CABLES1: variants seen among roughly 807,000 people sequenced by gnomAD.
CABLES1 encodes CDK5 and ABL1 enzyme substrate 1.
In CABLES1, 36 loss-of-function variants were observed where a neutral mutation model predicts 57.8. That is an observed-to-expected ratio of 0.62 (90% confidence interval 0.48 to 0.82). The LOEUF (loss-of-function observed/expected upper bound fraction) is 0.82, where lower values mean the gene tolerates loss of function less well. CABLES1 is among the 40% of genes least tolerant of loss of function. The pLI is 0.00. For missense variants in CABLES1, 767 were observed against 836.6 expected (o/e 0.92, Z 1.03); for synonymous variants, 374 against 363.0 (o/e 1.03, Z -0.35).
chr18:23,145,426 G>A (rs1315517285), intron 1 of CABLES1, among the ~76,000 whole-genome samples: 1 of 152,108 alleles, frequency 6.6e-6, no homozygotes, highest in East Asian at 1.9e-4. Flanking sequence ...TCCTCTTTGG[G>A]GGCTGTGCAA....
At chr18:23,193,849 A>G (rs181770332) in intron 2 of CABLES1, among the ~76,000 whole-genome samples, 1 of 152,320 alleles carries the variant, frequency 6.6e-6, no homozygotes, top group Admixed American at 6.5e-5. Flanking sequence ...AGCTCAACAA[A>G]TGTTTATTTA....
intron 1 of CABLES1, among the ~76,000 whole-genome samples, chr18:23,165,889 A>G (rs2047039065): frequency 6.6e-6 from 1 of 152,186 alleles, no homozygotes; most frequent in Admixed American, 6.5e-5. Flanking sequence ...GGGGTGAGTT[A>G]CAAAGGGAAA....
chr18:23,194,481 G>T lies in CABLES1; in HGVS notation c.951G>T (p.Lys317Asn). Residue 317 changes from lysine (K) to asparagine (N), a missense_variant, in exon 3 of 10, where the codon AAG becomes AAT. Physicochemically the swap from Lys to Asn is moderately conservative, Grantham distance 94. Coordinates refer to ENST00000256925, the MANE Select transcript of CABLES1 (RefSeq NM_001100619.3). ...CRTLSGSPRP[K>N]NFKKIHFIKN... Reference sequence around the variant, plus strand: ...CTCTCTCAGGTTCACCCAGACCAAAGAATTTTAAGAAGATTCATTTTATCA... The same window carrying T: ...CTCTCTCAGGTTCACCCAGACCAAATAATTTTAAGAAGATTCATTTTATCA... 6.2e-7 allele frequency: 1 copy of T among 1,613,428 alleles called. No individual in the cohort carries two copies. Among genetic ancestry groups the T allele is most frequent in the Non-Finnish European group, 8.5e-7 (1 of 1,179,354 alleles).
At chr18:23,222,542 C>CTATATATATCTATATATAGA (rs1555667457) in intron 4 of CABLES1, among the ~76,000 whole-genome samples, 14 of 147,828 alleles carry the variant, frequency 9.5e-5, no homozygotes, top group Non-Finnish European at 1.3e-4. Flanking sequence ...GTCTCTCTCT[C>CTATATATATCTATATATAGA]TATATATATC....
chr18:23,143,174 T>C (rs1031388946), intron 1 of CABLES1, among the ~76,000 whole-genome samples: 1 of 152,200 alleles, frequency 6.6e-6, no homozygotes, highest in Non-Finnish European at 1.5e-5. Flanking sequence ...TCCACTTTTC[T>C]GTCATCTAGG....
chr18:23,178,513 T>G (rs887177664), intron 1 of CABLES1, among the ~76,000 whole-genome samples: 1 of 152,226 alleles, frequency 6.6e-6, no homozygotes. Context: ...TCTGCTGCTG[T>G]GTTCTGACCT....
chr18:23,245,535 A>T (rs1335757295), intron 7 of CABLES1, among the ~76,000 whole-genome samples: 1 of 150,932 alleles, frequency 6.6e-6, no homozygotes, highest in Non-Finnish European at 1.5e-5. Context: ...AATAGGTATC[A>T]GTGTTTCTGC....
chr18:23,243,945 CTA>C (rs1400360817), intron 7 of CABLES1, among the ~76,000 whole-genome samples: 2 of 151,928 alleles, frequency 1.3e-5, no homozygotes, highest in East Asian at 1.9e-4. Flanking sequence ...CATCTGCTCT[CTA>C]TGTATTTGTC....
chr18:23,183,589 A>C (rs1375329503), intron 1 of CABLES1, among the ~76,000 whole-genome samples: 1 of 152,230 alleles, frequency 6.6e-6, no homozygotes. Context: ...TGTAACTGTC[A>C]GACAAGTCTG....
In CABLES1 at chr18:23,253,807, C is replaced by G; in HGVS notation, c.1632C>G (p.Tyr544Ter). The change falls in exon 9 of 10, where the codon TAC (tyrosine) becomes TAG (stop). Residue 544 changes from tyrosine (Y) to a stop codon, truncating the protein, a stop_gained. Transcript: ENST00000256925. LOFTEE classifies it high-confidence loss of function. ...CCACGGTGGCCATGGCCTTCGTCTA[C>G]TTTGAAAAGCTCGCCCTCAAGGGGA... Reference protein sequence around the residue: ...EEPTVAMAFVYFEKLALKGKL... With the variant: ...EEPTVAMAFV 1 of 1,614,240 alleles carries G rather than the reference C, an allele frequency of 6.2e-7. No individual in the cohort carries two copies. The highest frequency in any genetic ancestry group is 8.5e-7 in the Non-Finnish European group (1 of 1,180,042).
chr18:23,229,703 A>G (rs962645944), intron 4 of CABLES1, among the ~76,000 whole-genome samples: 1 of 152,190 alleles, frequency 6.6e-6, no homozygotes, highest in Non-Finnish European at 1.5e-5. Context: ...ATTCTTTCTC[A>G]CTGGAGTTTT....
chr18:23,200,027 G>A (rs1047637902), intron 3 of CABLES1, among the ~76,000 whole-genome samples: 2 of 152,174 alleles, frequency 1.3e-5, no homozygotes, highest in Admixed American at 6.5e-5. Flanking sequence ...TGGAAGTGCA[G>A]ACTCTAAACA....
At chr18:23,169,263 CAG>C (rs2047065855) in intron 1 of CABLES1, among the ~76,000 whole-genome samples, 1 of 152,198 alleles carries the variant, frequency 6.6e-6, no homozygotes, top group African/African-American at 2.4e-5. Flanking sequence ...CAGCAGCCCT[CAG>C]GGCTGCTCTG....
chr18:23,172,835 T>C (rs2047092673), intron 1 of CABLES1, among the ~76,000 whole-genome samples: 1 of 152,224 alleles, frequency 6.6e-6, no homozygotes, highest in Admixed American at 6.5e-5. Flanking sequence ...ACTAATAATA[T>C]ATTTCCAAGC....
intron 7 of CABLES1, among the ~76,000 whole-genome samples, chr18:23,252,665 A>G (rs994329665): frequency 6.6e-6 from 1 of 152,126 alleles, no homozygotes; most frequent in Non-Finnish European, 1.5e-5. Flanking sequence ...ACAGGCTGAC[A>G]CCTGGGAACT....
intron 1 of CABLES1, among the ~76,000 whole-genome samples, chr18:23,184,572 G>A (rs893308583): frequency 9.2e-5 from 14 of 151,968 alleles, no homozygotes; most frequent in Non-Finnish European, 1.5e-4. Flanking sequence ...GTGTGGTCGC[G>A]CGCACCTGTA....
intron 4 of CABLES1, among the ~76,000 whole-genome samples, chr18:23,218,354 G>A (rs1324580471): frequency 1.3e-5 from 1 of 77,218 alleles, no homozygotes; most frequent in Non-Finnish European, 2.5e-5. Context: ...CCTGCCTCCC[G>A]CATCCTCACT....
At chr18:23,219,611 G>C (rs2047471263) in intron 4 of CABLES1, among the ~76,000 whole-genome samples, 1 of 152,208 alleles carries the variant, frequency 6.6e-6, no homozygotes, top group Non-Finnish European at 1.5e-5. Context: ...ACTGTAGTGA[G>C]GGGCAGGGGA....
At chr18:23,254,839 C>A (rs2145140128) in intron 9 of CABLES1, among the ~76,000 whole-genome samples, 1 of 152,324 alleles carries the variant, frequency 6.6e-6, no homozygotes, top group Admixed American at 6.5e-5. Context: ...CTAATACCAT[C>A]ACATGAAGGA....
Sources: allele counts gnomAD v4.1 joint callset (sites outside exome capture counted in the v4.1 genomes callset), GRCh38; gene constraint gnomAD v4.1.1; transcripts MANE v1.5; gene names NCBI Gene and HGNC (gene_info 2026-07-23, HGNC 2026-07-21).